The following WWOX variants were observed in gnomAD, a reference collection of about 807,000 sequenced individuals.
WWOX encodes the protein WW domain-containing oxidoreductase.
In WWOX, 69 loss-of-function variants were observed where a neutral mutation model predicts 46.2. That is an observed-to-expected ratio of 1.49 (90% CI 1.23 to 1.82). The LOEUF (loss-of-function observed/expected upper bound fraction) is 1.82, where lower values mean the gene tolerates loss of function less well. WWOX is among the 40% of genes most tolerant of loss of function. WWOX has a pLI of 0.00. For missense variants in WWOX, 919 were observed against 542.6 expected (o/e 1.69, Z -6.89); for synonymous variants, 359 against 202.6 (o/e 1.77, Z -6.56).
In WWOX at chr16:78,184,137, A is replaced by C. The variant is rs543322563; in HGVS notation, c.516+19848A>C. Among the ~76,000 whole-genome samples, 76 of 152,306 alleles carry C rather than the reference A, an allele frequency of 5.0e-4. 1 individual carries two copies. The South Asian group carries it at 0.015, about 30-fold the overall frequency. ...TCCACCATATCAGAAGGTCCTCAGC[A>C]GCCGCAGCCACTTAACATGCTCGGT... On this transcript the variant is annotated intron_variant, in intron 5 of 8. Coordinates refer to ENST00000566780, the MANE Select transcript of WWOX (RefSeq NM_016373.4).
intron 8 of WWOX, among the ~76,000 whole-genome samples, chr16:78,681,222 C>A (rs760906290): frequency 1.3e-5 from 2 of 151,944 alleles, no homozygotes; most frequent in Non-Finnish European, 2.9e-5. Context: ...GCCTGGGCAA[C>A]AGAGCAAGAC....
chr16:78,969,374 A>G (rs1056204907), intron 8 of WWOX, among the ~76,000 whole-genome samples: 6 of 151,246 alleles, frequency 4.0e-5, no homozygotes, highest in African/African-American at 1.5e-4. Context: ...GGTTCAAGGG[A>G]TTCTCGTGCC....
chr16:78,866,669 A>G (rs1283566775), intron 8 of WWOX, among the ~76,000 whole-genome samples: 1 of 152,184 alleles, frequency 6.6e-6, no homozygotes, highest in African/African-American at 2.4e-5. Context: ...CTGGCTTGCA[A>G]CGTAGCCTGA....
chr16:79,007,490 C>T (rs535108503), intron 8 of WWOX, among the ~76,000 whole-genome samples: 6 of 152,208 alleles, frequency 3.9e-5, no homozygotes, highest in East Asian at 3.9e-4. Context: ...TGCAAGGATC[C>T]GGGAGAAAGA....
At chr16:78,334,395 A>G (rs1401707043) in intron 5 of WWOX, among the ~76,000 whole-genome samples, 1 of 152,228 alleles carries the variant, frequency 6.6e-6, no homozygotes, top group Non-Finnish European at 1.5e-5. Flanking sequence ...AGAATATAAC[A>G]ACAGCGAACA....
chr16:78,175,427 C>T (rs548293036), intron 5 of WWOX, among the ~76,000 whole-genome samples: 4 of 152,204 alleles, frequency 2.6e-5, no homozygotes, highest in Non-Finnish European at 5.9e-5. Flanking sequence ...CTTAGTGACT[C>T]ACTCTCCATG....
chr16:79,190,380 G>T (rs902148682), intron 8 of WWOX, among the ~76,000 whole-genome samples: 2 of 152,078 alleles, frequency 1.3e-5, no homozygotes, highest in African/African-American at 2.4e-5. Context: ...GCTATTAGGC[G>T]TAGATTCCTG....
intron 8 of WWOX, among the ~76,000 whole-genome samples, chr16:79,080,147 G>A (rs1476267796): frequency 6.6e-6 from 1 of 152,166 alleles, no homozygotes; most frequent in African/African-American, 2.4e-5. Context: ...GAGCCAAGGA[G>A]GAAGAGTGGG....
intron 8 of WWOX, among the ~76,000 whole-genome samples, chr16:78,854,275 G>T (rs889463803): frequency 1.3e-5 from 2 of 152,074 alleles, no homozygotes; most frequent in African/African-American, 4.8e-5. Flanking sequence ...ATGAAAAGAT[G>T]TTACTATGCA....
At chr16:78,822,512 A>G (rs979498099) in intron 8 of WWOX, among the ~76,000 whole-genome samples, 5 of 152,102 alleles carry the variant, frequency 3.3e-5, no homozygotes, top group Non-Finnish European at 7.3e-5. Context: ...AACAAAAACA[A>G]AAACAAACAA....
At chr16:78,232,106 A>C (rs910482625) in intron 5 of WWOX, among the ~76,000 whole-genome samples, 4 of 152,206 alleles carry the variant, frequency 2.6e-5, no homozygotes, top group African/African-American at 9.7e-5. Flanking sequence ...AGAAAGTACA[A>C]GTAAGTATAC....
chr16:79,016,874 A>T (rs994093495), intron 8 of WWOX: 1 of 151,818 alleles, frequency 6.6e-6, no homozygotes, highest in African/African-American at 2.4e-5. Flanking sequence ...CCCTCTGTGT[A>T]TTTTCTCATC....
chr16:79,045,780 CTTTTTTTTTTTTTTTTTTTTTTTTT>C (rs770463813), intron 8 of WWOX, among the ~76,000 whole-genome samples: 9 of 54,226 alleles, frequency 1.7e-4, no homozygotes, highest in East Asian at 7.5e-4. Flanking sequence ...TTTTCTTTTC[CTTTTTTTTTTTTTTTTTTTTTTTTT>C]TTTTTTTTTT....
chr16:79,110,340 TC>T (rs1459858984), intron 8 of WWOX, among the ~76,000 whole-genome samples: 4 of 151,554 alleles, frequency 2.6e-5, no homozygotes, highest in African/African-American at 7.3e-5. Flanking sequence ...CCTGCCAACC[TC>T]CCCCCATCAT....
chr16:78,183,220 T>C (rs887642952), intron 5 of WWOX, among the ~76,000 whole-genome samples: 1 of 152,074 alleles, frequency 6.6e-6, no homozygotes, highest in Admixed American at 6.5e-5. Flanking sequence ...TTAATAGTAA[T>C]AATAATATCT....
rs1339633045 is a variant in WWOX, at chr16:79,005,869, G to A, written c.1057-205739G>A. 4.6e-5 allele frequency among the ~76,000 whole-genome samples: 7 copies of A among 152,294 alleles called. No individual in the cohort carries two copies. The East Asian group carries it at 5.8e-4, about 13-fold the overall frequency. On this transcript the variant is annotated intron_variant, in intron 8 of 8. Coordinates refer to ENST00000566780, the MANE Select transcript of WWOX (RefSeq NM_016373.4). ...ACCAGTAGAACATAGCTCAGGCCAA[G>A]AGAGAAACTCAACCTTGGTGAAGTT...
intron 8 of WWOX, among the ~76,000 whole-genome samples, chr16:79,078,596 TC>T (rs1181779884): frequency 3.3e-5 from 5 of 152,228 alleles, no homozygotes; most frequent in African/African-American, 1.2e-4. Context: ...GAATCTGAGT[TC>T]CTGGGAGCAT....
At chr16:78,876,901 C>G (rs111995223) in intron 8 of WWOX, among the ~76,000 whole-genome samples, 4 of 152,136 alleles carry the variant, frequency 2.6e-5, no homozygotes, top group Non-Finnish European at 1.5e-5. Context: ...CTCTGAATTC[C>G]TACAGGAAAT....
chr16:78,445,566 T>A lies in WWOX; in HGVS notation c.1056+12814T>A, dbSNP rs147076439. 3.3e-4 allele frequency among the ~76,000 whole-genome samples: 50 copies of A among 152,274 alleles called. No individual in the cohort carries two copies. In the East Asian group the frequency reaches 4.3e-3, roughly 13 times the overall value. On this transcript the variant is annotated intron_variant, in intron 8 of 8. Transcript: ENST00000566780. ...AATTTGAGTAATTGTTTTCACTAAT[T>A]CATCTTCACAGAAAGAAATAATATG...
Sources: gnomAD v4.1 joint callset for allele counts (sites outside exome capture counted in the v4.1 genomes callset) on GRCh38, gnomAD v4.1.1 for gene constraint, MANE v1.5 for transcripts, NCBI Gene and HGNC (gene_info 2026-07-23, HGNC 2026-07-21) for gene names.